PRDM2: variants seen among roughly 807,000 people sequenced by gnomAD.
The protein encoded by PRDM2 is PR/SET domain 2.
In PRDM2, 30 loss-of-function variants were observed where a neutral mutation model predicts 130.0. The ratio of observed to expected loss-of-function variants is 0.23; its 90% CI spans 0.17 to 0.31. The LOEUF (loss-of-function observed/expected upper bound fraction) is 0.31. Ranked by LOEUF, PRDM2 falls within the 10% of genes least tolerant of loss-of-function variation. The pLI is 1.00. For missense variants in PRDM2, 2,011 were observed against 2,108.4 expected (o/e 0.95, Z 0.90); for synonymous variants, 871 against 782.4 (o/e 1.11, Z -1.89).
rs1453822838 is a variant in PRDM2 at position 13,778,791 on chromosome 1, A to G, written c.996A>G (p.Glu332=). 37 of 1,614,008 alleles carry G rather than the reference A, an allele frequency of 2.3e-5. No individual in the cohort carries two copies. Among genetic ancestry groups the G allele is most frequent in the Non-Finnish European group, 3.1e-5 (36 of 1,180,046 alleles). The change falls in exon 8 of 10, where the codon GAA becomes GAG. Residue 332 remains glutamate (E), a synonymous_variant. Coordinates refer to ENST00000311066, the MANE Select transcript of PRDM2 (RefSeq NM_001393986.1). ...EPKTTSEETL[E]DCSEVTPAMQ... The stretch of plus-strand genomic sequence containing the variant: ...AAACAACTTCAGAAGAAACTCTTGA[A>G]GACTGCTCAGAGGTAACACCTGCCA...
intron 8 of PRDM2, among the ~76,000 whole-genome samples, chr1:13,815,281 T>C (rs1645239362): frequency 6.6e-6 from 1 of 152,090 alleles, no homozygotes; most frequent in South Asian, 2.1e-4. Context: ...CAATTTTTTT[T>C]TTGTATTTTT....
chr1:13,801,537 G>A (rs909525384), intron 8 of PRDM2, among the ~76,000 whole-genome samples: 2 of 152,142 alleles, frequency 1.3e-5, no homozygotes, highest in African/African-American at 4.8e-5. Flanking sequence ...CAGTTCTGCC[G>A]CCTGCCAGCT....
At chr1:13,776,146 C>G (rs1328929335) in intron 7 of PRDM2, among the ~76,000 whole-genome samples, 3 of 152,216 alleles carry the variant, frequency 2.0e-5, no homozygotes, top group African/African-American at 7.2e-5. Context: ...CATCAATGTT[C>G]TACAGTTTCG....
intron 8 of PRDM2, among the ~76,000 whole-genome samples, chr1:13,802,954 G>A (rs1645030688): frequency 1.3e-5 from 2 of 152,234 alleles, no homozygotes; most frequent in Non-Finnish European, 2.9e-5. Flanking sequence ...GCAGAGGAGG[G>A]AGGAAGCTGT....
chr1:13,816,133 A>G (rs1438575646), intron 8 of PRDM2, among the ~76,000 whole-genome samples: 1 of 152,164 alleles, frequency 6.6e-6, no homozygotes. Context: ...ACCAGACGGC[A>G]CTGCCCATCA....
intron 5 of PRDM2, among the ~76,000 whole-genome samples, chr1:13,747,537 A>G (rs778082058): frequency 6.6e-6 from 1 of 152,128 alleles, no homozygotes; most frequent in Non-Finnish European, 1.5e-5. Context: ...CAAAAATAAG[A>G]AAAAGGCAGA....
At chr1:13,766,989 C>T (rs1302372897) in intron 6 of PRDM2, among the ~76,000 whole-genome samples, 1 of 152,158 alleles carries the variant, frequency 6.6e-6, no homozygotes, top group African/African-American at 2.4e-5. Flanking sequence ...AGAACATAGT[C>T]CAGACCTAGG....
At chr1:13,802,365 G>C (rs1645022010) in intron 8 of PRDM2, among the ~76,000 whole-genome samples, 2 of 152,160 alleles carry the variant, frequency 1.3e-5, no homozygotes, top group African/African-American at 2.4e-5. Context: ...GCTCCCACAG[G>C]CTTCTTGAGC....
chr1:13,761,977 G>C (rs570595565), intron 6 of PRDM2, among the ~76,000 whole-genome samples: 53 of 152,314 alleles, frequency 3.5e-4, no homozygotes, highest in African/African-American at 1.3e-3. Flanking sequence ...GGATGAATTA[G>C]GAATTGTTAG....
chr1:13,804,948 G>T (rs185859286), intron 8 of PRDM2, among the ~76,000 whole-genome samples: 2 of 152,290 alleles, frequency 1.3e-5, no homozygotes, highest in East Asian at 3.9e-4. Context: ...TCACTACTAT[G>T]GGGACTGTGT....
chr1:13,797,253 T>C (rs927392468), intron 8 of PRDM2, among the ~76,000 whole-genome samples: 7 of 152,212 alleles, frequency 4.6e-5, no homozygotes, highest in South Asian at 2.1e-4. Context: ...TAATGGCCAA[T>C]GTTTATGTTT....
chr1:13,732,942 C>A, intron 4 of PRDM2, 60 bp downstream of exon 4: 1 of 1,155,504 alleles, frequency 8.7e-7, no homozygotes, highest in Non-Finnish European at 1.2e-6. Flanking sequence ...ATTCTGTTCT[C>A]TCAGAATTTG....
chr1:13,741,720 T>TTGTGTGTGTGTGTGTGTG lies in PRDM2; in HGVS notation c.232-257_232-240dup, dbSNP rs200384633. On this transcript the variant is annotated intron_variant, in intron 4 of 9. Coordinates refer to ENST00000311066, the MANE Select transcript of PRDM2 (RefSeq NM_001393986.1). ...GCATGCTGACTATAGCTCTTTAAGTTTGTGTGTGTGTGTGTGTGTGTGTGT... is the reference window on the plus strand; with the variant it reads ...GCATGCTGACTATAGCTCTTTAAGTTTGTGTGTGTGTGTGTGTGTGTGTGTGTGTGTGTGTGTGTGTGT... Among the ~76,000 whole-genome samples the TTGTGTGTGTGTGTGTGTG allele has an allele frequency of 1.7e-3, 186 of 112,586 alleles. 9 individuals are homozygous for TTGTGTGTGTGTGTGTGTG. Among genetic ancestry groups the TTGTGTGTGTGTGTGTGTG allele is most frequent in the African/African-American group, 4.4e-3 (107 of 24,368 alleles). 73.9% of individuals were successfully genotyped at this position (112,586 alleles called of 152,430 possible).
intron 8 of PRDM2, among the ~76,000 whole-genome samples, chr1:13,792,116 C>T (rs1644850045): frequency 6.6e-6 from 1 of 152,158 alleles, no homozygotes; most frequent in Admixed American, 6.5e-5. Flanking sequence ...AATTTTAAAG[C>T]CCAGGTTTGT....
Position 13,780,427 on chromosome 1 carries a change from G to A in PRDM2, c.2632G>A (p.Val878Ile), listed in dbSNP as rs372590774. 1.6e-5 allele frequency: 26 copies of A among 1,614,210 alleles called. No homozygotes were observed. The highest frequency in any genetic ancestry group is 2.0e-5 in the Non-Finnish European group (24 of 1,180,038). ...SHSVQPTCSA[V>I]KKRKPTTCML... ...TTCAGTGCAGCCTACGTGTAGTGCTGTAAAGAAAAGGAAACCAACCACCTG... is the reference window on the plus strand; with the variant it reads ...TTCAGTGCAGCCTACGTGTAGTGCTATAAAGAAAAGGAAACCAACCACCTG... The change falls in exon 8 of 10, where the codon GTA (valine) becomes ATA (isoleucine). Residue 878 changes from valine to isoleucine, a missense_variant. Around this residue, in one of 5 missense-constraint regions of PRDM2, gnomAD observed 1,288 missense variants for 1,237.7 expected, o/e 1.04. Transcript: ENST00000311066.
At chr1:13,756,953 G>A (rs1216813591) in intron 6 of PRDM2, among the ~76,000 whole-genome samples, 1 of 152,226 alleles carries the variant, frequency 6.6e-6, no homozygotes, top group Non-Finnish European at 1.5e-5. Context: ...TAAATAAAAG[G>A]CTCTGTCTGT....
intron 6 of PRDM2, among the ~76,000 whole-genome samples, chr1:13,756,219 C>T (rs1171123569): frequency 2.0e-5 from 3 of 149,526 alleles, no homozygotes; most frequent in Non-Finnish European, 4.4e-5. Context: ...GCCGAGATTG[C>T]GCCACAGCAC....
intron 3 of PRDM2, 95 bp from the exon 4 acceptor site, chr1:13,732,684 C>T (rs1407361333): frequency 1.2e-6 from 1 of 856,618 alleles, no homozygotes; most frequent in Non-Finnish European, 1.8e-6. Context: ...GGCAGTCTAG[C>T]CTTTTAACTG....
chr1:13,822,808 G>T (rs551604146), intron 9 of PRDM2, among the ~76,000 whole-genome samples: 1 of 152,298 alleles, frequency 6.6e-6, no homozygotes, highest in Admixed American at 6.5e-5. Context: ...GACGCAGGAG[G>T]AGATTACTGA....
Sources: gnomAD v4.1 joint callset for allele counts (sites outside exome capture counted in the v4.1 genomes callset) on GRCh38, gnomAD v4.1.1 for gene constraint, gnomAD v4.1.1 regional missense constraint, MANE v1.5 for transcripts, NCBI Gene and HGNC (gene_info 2026-07-23, HGNC 2026-07-21) for gene names.